INPP5A: variants seen among roughly 807,000 people sequenced by gnomAD.
INPP5A encodes inositol polyphosphate-5-phosphatase A, also known as 43 kDa inositol polyphosphate 5-phophatase.
A neutral mutation model predicts 65.2 loss-of-function variants in INPP5A; 14 were observed. The observed-to-expected ratio is 0.21, with a 90% confidence interval of 0.14 to 0.34. The LOEUF (loss-of-function observed/expected upper bound fraction) is 0.34. Among genes scored for constraint, INPP5A ranks in the 10% least tolerant of loss-of-function variants. The probability of loss-of-function intolerance (pLI) is 1.00; values close to 1 mark genes in which losing one functional copy is unlikely to be tolerated. For missense variants in INPP5A, 431 were observed against 545.6 expected (o/e 0.79, Z 2.09); for synonymous variants, 207 against 208.3 (o/e 0.99, Z 0.05).
chr10:132,733,934 AC>A (rs1846131036), intron 9 of INPP5A, among the ~76,000 whole-genome samples: 1 of 152,202 alleles, frequency 6.6e-6, no homozygotes. Context: ...TCCTTAGCAC[AC>A]ACATCCTGGG....
chr10:132,590,081 G>A (rs1430409428), intron 1 of INPP5A, among the ~76,000 whole-genome samples: 2 of 152,240 alleles, frequency 1.3e-5, no homozygotes, highest in African/African-American at 2.4e-5. Flanking sequence ...GTGGAGGCTC[G>A]AAGGTGGCTG....
chr10:132,614,124 T>G (rs2071997809), intron 2 of INPP5A, among the ~76,000 whole-genome samples: 1 of 152,168 alleles, frequency 6.6e-6, no homozygotes, highest in Non-Finnish European at 1.5e-5. Context: ...GGTCCAGAAC[T>G]CAGCCTGGCA....
At position 132,644,425 on chromosome 10, in the gene INPP5A, G is replaced by C. The variant is rs2072466489; in HGVS notation, c.118-1443G>C. 6.6e-6 allele frequency among the ~76,000 whole-genome samples: 1 copy of C among 152,332 alleles called. No homozygotes were observed. Among genetic ancestry groups the C allele is most frequent in the African/African-American group, 2.4e-5 (1 of 41,570 alleles). On this transcript the variant is annotated intron_variant, in intron 2 of 15. Coordinates refer to ENST00000368594, the MANE Select transcript of INPP5A (RefSeq NM_005539.5). This position sits in a 1 kb window ranked among gnomAD's most constrained non-coding sequence, Gnocchi z 6.5. ...AGCACAGACAGGGCCTGTCCGCCGG[G>C]CTTGGTTGGAACCATTTCTGTCTCC...
In INPP5A at chr10:132,765,808, G is replaced by A. The variant is rs1846831493; in HGVS notation, c.939G>A (p.Lys313=). The change falls in exon 12 of 16, where the codon AAG becomes AAA. Residue 313 remains lysine, a synonymous_variant. Transcript: ENST00000368594. ...LEFDKELSVF[K]DRLYELDISF... is the part of the protein sequence containing the mutation. ...TTGACAAGGAGTTGTCTGTCTTTAA[G>A]GACAGACTGTATGAACTGGACATCT... 2 of 1,605,210 alleles carry A rather than the reference G, an allele frequency of 1.2e-6. No homozygotes were observed. Among genetic ancestry groups the A allele is most frequent in the Non-Finnish European group, 8.5e-7 (1 of 1,171,964 alleles).
chr10:132,628,585 A>G (rs954764514), intron 2 of INPP5A, among the ~76,000 whole-genome samples: 1 of 152,046 alleles, frequency 6.6e-6, no homozygotes, highest in African/African-American at 2.4e-5. Flanking sequence ...AGAGGCAAAG[A>G]CTGATGGATT....
intron 9 of INPP5A, among the ~76,000 whole-genome samples, chr10:132,746,746 T>C (rs1846378142): frequency 6.6e-6 from 1 of 152,256 alleles, no homozygotes; most frequent in Non-Finnish European, 1.5e-5. Context: ...AGATGGCTTT[T>C]TAAACATAGC....
chr10:132,735,194 G>A (rs532573023), intron 9 of INPP5A, among the ~76,000 whole-genome samples: 9 of 152,296 alleles, frequency 5.9e-5, no homozygotes, highest in East Asian at 1.9e-4. Context: ...CAGAGGCCAC[G>A]TTGGTACCTG....
intron 9 of INPP5A, among the ~76,000 whole-genome samples, chr10:132,746,412 A>G (rs932885426): frequency 2.6e-5 from 4 of 152,228 alleles, no homozygotes; most frequent in Non-Finnish European, 5.9e-5. Flanking sequence ...ACGTGAGACC[A>G]ACTGCACAGG....
chr10:132,619,887 G>A (rs1178049794), intron 2 of INPP5A, among the ~76,000 whole-genome samples: 4 of 152,210 alleles, frequency 2.6e-5, no homozygotes, highest in Non-Finnish European at 2.9e-5. Context: ...TTGAACTCCT[G>A]ACCTCAAGTG....
chr10:132,646,889 G>A (rs117109515), intron 3 of INPP5A, among the ~76,000 whole-genome samples: 2,376 of 152,300 alleles, frequency 0.016, 32 homozygotes, highest in South Asian at 0.039. Context: ...GCAGCCACCC[G>A]GAGTCGGGAC....
chr10:132,717,710 G>T (rs1369128083), intron 8 of INPP5A, among the ~76,000 whole-genome samples: 1 of 150,006 alleles, frequency 6.7e-6, no homozygotes, highest in African/African-American at 2.5e-5. Flanking sequence ...TGTGGTGCCT[G>T]GGTTCTGTCT....
At chr10:132,688,993 G>A (rs562506425) in intron 4 of INPP5A, among the ~76,000 whole-genome samples, 167 of 151,890 alleles carry the variant, frequency 1.1e-3, no homozygotes, top group Non-Finnish European at 2.0e-3. Context: ...GCAAGTGTGT[G>A]TGAGTGCCTG....
intron 2 of INPP5A, among the ~76,000 whole-genome samples, chr10:132,633,951 G>C (rs963443201): frequency 6.6e-6 from 1 of 152,190 alleles, no homozygotes; most frequent in Non-Finnish European, 1.5e-5. Context: ...CCCTCCACCT[G>C]CTCTTCCCAC....
intron 9 of INPP5A, among the ~76,000 whole-genome samples, chr10:132,739,717 CGGGAGTTAA>C (rs1846240276): frequency 6.6e-6 from 1 of 152,178 alleles, no homozygotes; most frequent in African/African-American, 2.4e-5. Context: ...CTGGAGCCTC[CGGGAGTTAA>C]TTTGAGATGA....
chr10:132,721,002 C>T (rs1262399098), intron 8 of INPP5A, among the ~76,000 whole-genome samples: 1 of 148,156 alleles, frequency 6.7e-6, no homozygotes, highest in Non-Finnish European at 1.5e-5. Flanking sequence ...GTCTGGGCAC[C>T]TTAGACGACT....
At chr10:132,645,744 A>T (rs750862036) in intron 2 of INPP5A, 124 bp from the exon 3 acceptor site, 1 of 657,942 alleles carries the variant, frequency 1.5e-6, no homozygotes, top group Non-Finnish European at 2.7e-6. Context: ...GGTCGCAGAC[A>T]TGGGGCCCCG....
At chr10:132,747,521 T>G (rs570293350) in intron 9 of INPP5A, among the ~76,000 whole-genome samples, 90 of 152,298 alleles carry the variant, frequency 5.9e-4, no homozygotes, top group African/African-American at 2.0e-3. Flanking sequence ...CCAGAGTTCC[T>G]CTCAGTTCCT....
At chr10:132,552,820 A>G (rs1275145731) in intron 1 of INPP5A, among the ~76,000 whole-genome samples, 1 of 146,752 alleles carries the variant, frequency 6.8e-6, no homozygotes, top group Non-Finnish European at 1.5e-5. Flanking sequence ...ACGCCTTCTC[A>G]GAGCCTTGGT....
rs1020767709 is a variant in INPP5A at position 132,551,187 on chromosome 10, G to A, written c.75+13016G>A. 3.3e-5 allele frequency among the ~76,000 whole-genome samples: 5 copies of A among 152,236 alleles called. No individual in the cohort carries two copies. Among genetic ancestry groups the A allele is most frequent in the East Asian group, 1.9e-4 (1 of 5,198 alleles). On this transcript the variant is annotated intron_variant, in intron 1 of 15. Transcript: ENST00000368594. The surrounding 1 kb of genome is among the most constrained non-coding windows in gnomAD (Gnocchi z 5.3). The stretch of plus-strand genomic sequence containing the variant: ...TTGCCTACCTTTCAGGCTTCTGAGC[G>A]GCTGTCAGTTGCCACCTGCTGGCAC...
Sources: allele counts gnomAD v4.1 joint callset (sites outside exome capture counted in the v4.1 genomes callset), GRCh38; gene constraint gnomAD v4.1.1; non-coding constraint Gnocchi (gnomAD v3.1); transcripts MANE v1.5; gene names NCBI Gene and HGNC (gene_info 2026-07-23, HGNC 2026-07-21).